The following BRIP1 variants were observed in gnomAD, a reference collection of about 807,000 sequenced individuals.
BRIP1 encodes Fanconi anemia group J protein.
In BRIP1, 88 loss-of-function variants were observed where a neutral mutation model predicts 119.7. The ratio of observed to expected loss-of-function variants is 0.74; its 90% CI spans 0.62 to 0.88. The LOEUF (loss-of-function observed/expected upper bound fraction) is 0.88. Among genes scored for constraint, BRIP1 ranks in the 40% least tolerant of loss-of-function variants. The pLI, the probability that BRIP1 is intolerant of heterozygous loss-of-function variation, is 0.00. For synonymous variants in BRIP1, 443 were observed against 496.5 expected, an observed-to-expected ratio of 0.89 and a Z score of 1.43; for missense variants, 1,259 against 1,455.4, an observed-to-expected ratio of 0.87 and a Z score of 2.20.
intron 6 of BRIP1, among the ~76,000 whole-genome samples, chr17:61,820,216 C>A (rs1176881995): frequency 1.3e-5 from 2 of 152,008 alleles, no homozygotes; most frequent in East Asian, 3.9e-4. Flanking sequence ...GAACTGAAAC[C>A]ACGAGACTTC....
In BRIP1 at chr17:61,689,690, C is replaced by T. The variant is rs776442576; in HGVS notation, c.2576-3525G>A. On this transcript the variant is annotated intron_variant, in intron 18 of 19. Coordinates refer to ENST00000259008, the MANE Select transcript of BRIP1 (RefSeq NM_032043.3). This position sits in a 1 kb window ranked among gnomAD's most constrained non-coding sequence, Gnocchi z 4.5. ...TTTGAAAACAGCAAGATAAAAGCAACTTGTCATATACAAATGAAGTCCCAT... is the reference window on the plus strand; with the variant it reads ...TTTGAAAACAGCAAGATAAAAGCAATTTGTCATATACAAATGAAGTCCCAT... Among the ~76,000 whole-genome samples, 2 of 152,108 alleles carry T rather than the reference C, an allele frequency of 1.3e-5. No individual in the cohort carries two copies. The highest frequency in any genetic ancestry group is 2.9e-5 in the Non-Finnish European group (2 of 68,022).
intron 16 of BRIP1, among the ~76,000 whole-genome samples, chr17:61,727,306 C>T (rs969993492): frequency 2.6e-5 from 4 of 152,020 alleles, no homozygotes; most frequent in South Asian, 2.1e-4. Flanking sequence ...TATGATTAAA[C>T]CCTAACATCT....
chr17:61,693,308 T>G lies in BRIP1; in HGVS notation c.2575+122A>C. On this transcript the variant is annotated intron_variant, in intron 18 of 19. Coordinates refer to ENST00000259008, the MANE Select transcript of BRIP1 (RefSeq NM_032043.3). This position sits in a 1 kb window ranked among gnomAD's most constrained non-coding sequence, Gnocchi z 4.2. ...TATCTGCTGTGAAATACTGTGCTTA[T>G]AGTTAACAATATTGTACTGTGCACT... 1.1e-6 allele frequency: 1 copy of G among 893,516 alleles called. No individual in the cohort carries two copies. The highest frequency in any genetic ancestry group is 1.8e-6 in the Non-Finnish European group (1 of 549,734). 55.3% of individuals were successfully genotyped at this position (893,516 alleles called of 1,614,324 possible). A position where few individuals can be genotyped will look rare whatever the true frequency, so the allele number is the denominator to read the frequency against.
rs1217457709 is a variant in BRIP1, at chr17:61,804,703, A to G, written c.919-3229T>C. 2.0e-5 allele frequency among the ~76,000 whole-genome samples: 3 copies of G among 152,042 alleles called. No homozygotes were observed. Among genetic ancestry groups the G allele is most frequent in the African/African-American group, 7.2e-5 (3 of 41,428 alleles). ...CGGCCAATGTATTTTTTACAAATAC[A>G]TAATAATTTCCCCATATATATATAT... On this transcript the variant is annotated intron_variant, in intron 7 of 19. Transcript: ENST00000259008. This position sits in a 1 kb window ranked among gnomAD's most constrained non-coding sequence, Gnocchi z 4.5.
Position 61,736,962 on chromosome 17 carries a change from A to T in BRIP1, c.2379+6051T>A, listed in dbSNP as rs1027249191. On this transcript the variant is annotated intron_variant, in intron 16 of 19. Transcript: ENST00000259008. This position sits in a 1 kb window ranked among gnomAD's most constrained non-coding sequence, Gnocchi z 4.4. ...AAATGCATAAAAACAATAATTAAAA[A>T]CTAACAGCCACACAAAGTATAAAGA... Among the ~76,000 whole-genome samples, 2 of 152,186 alleles carry T rather than the reference A, an allele frequency of 1.3e-5. No homozygotes were observed. Among genetic ancestry groups the T allele is most frequent in the African/African-American group, 4.8e-5 (2 of 41,454 alleles).
rs2077787388 is a variant in BRIP1 at position 61,789,768 on chromosome 17, G to A, written c.1473+3829C>T. Among the ~76,000 whole-genome samples, 1 of 152,004 alleles carries A rather than the reference G, an allele frequency of 6.6e-6. No homozygotes were observed. Among genetic ancestry groups the A allele is most frequent in the African/African-American group, 2.4e-5 (1 of 41,374 alleles). On this transcript the variant is annotated intron_variant, in intron 10 of 19. Transcript: ENST00000259008. The surrounding 1 kb of genome is among the most constrained non-coding windows in gnomAD (Gnocchi z 4.8). Reference sequence around the variant, plus strand: ...CAATATATTGTTAAATTAAAAGAGGGTAAAACAAATGTGTCATATCAGAAA... The same window carrying A: ...CAATATATTGTTAAATTAAAAGAGGATAAAACAAATGTGTCATATCAGAAA...
rs1304613834 is a variant in BRIP1 at position 61,824,473 on chromosome 17, A to G, written c.628-15716T>C. Reference sequence around the variant, plus strand: ...TGGCATAAAAACAGAAATATAGACCAATGGAACAGAATAGAAATTCCAAAA... The same window carrying G: ...TGGCATAAAAACAGAAATATAGACCGATGGAACAGAATAGAAATTCCAAAA... On this transcript the variant is annotated intron_variant, in intron 6 of 19. Transcript: ENST00000259008. This position sits in a 1 kb window ranked among gnomAD's most constrained non-coding sequence, Gnocchi z 4.3. Among the ~76,000 whole-genome samples the G allele has an allele frequency of 6.6e-6, 1 of 152,238 alleles. No individual in the cohort carries two copies. The highest frequency in any genetic ancestry group is 2.4e-5 in the African/African-American group (1 of 41,464).
At chr17:61,731,683 T>C (rs1370406154) in intron 16 of BRIP1, among the ~76,000 whole-genome samples, 7 of 152,180 alleles carry the variant, frequency 4.6e-5, no homozygotes. Flanking sequence ...AGGTTAAATA[T>C]CACTTCCTCA....
rs981428902 is a variant in BRIP1 at position 61,816,653 on chromosome 17, T to C, written c.628-7896A>G. Among the ~76,000 whole-genome samples, 1 of 152,110 alleles carries C rather than the reference T, an allele frequency of 6.6e-6. No homozygotes were observed. The highest frequency in any genetic ancestry group is 2.4e-5 in the African/African-American group (1 of 41,428). The stretch of plus-strand genomic sequence containing the variant: ...TAAAGCAAAAATTATCCTGGTATAA[T>C]AGAACTTTACATAGATGTGATTATA... On this transcript the variant is annotated intron_variant, in intron 6 of 19. Transcript: ENST00000259008. The surrounding 1 kb of genome is among the most constrained non-coding windows in gnomAD (Gnocchi z 5.0).
At chr17:61,766,600 C>T (rs2077377725) in intron 14 of BRIP1, among the ~76,000 whole-genome samples, 1 of 152,048 alleles carries the variant, frequency 6.6e-6, no homozygotes, top group South Asian at 2.1e-4. Flanking sequence ...AAACTAGTAG[C>T]ACTGCAAATT....
In BRIP1 at chr17:61,846,105, C is replaced by T. The variant is rs147122826; in HGVS notation, c.627+996G>A. 0.19 allele frequency among the ~76,000 whole-genome samples: 28,437 copies of T among 151,836 alleles called. 3,085 individuals are homozygous for T. Among genetic ancestry groups the T allele is most frequent in the Admixed American group, 0.3 (4,606 of 15,250 alleles). Reference sequence around the variant, plus strand: ...GTTGAGGCAGGAGAATGGCATGAACCCAGGAGGCGGAGCTTGCAGTGGGCG... The same window carrying T: ...GTTGAGGCAGGAGAATGGCATGAACTCAGGAGGCGGAGCTTGCAGTGGGCG... On this transcript the variant is annotated intron_variant, in intron 6 of 19. Coordinates refer to ENST00000259008, the MANE Select transcript of BRIP1 (RefSeq NM_032043.3). This position sits in a 1 kb window ranked among gnomAD's most constrained non-coding sequence, Gnocchi z 4.3.
At position 61,857,518 on chromosome 17, in the gene BRIP1, G is replaced by C. The variant is rs4968452; in HGVS notation, c.206-287C>G. 0.16 allele frequency among the ~76,000 whole-genome samples: 24,217 copies of C among 152,142 alleles called. 2,483 individuals are homozygous for C. Among genetic ancestry groups the C allele is most frequent in the East Asian group, 0.55 (2,827 of 5,146 alleles). ...GCAGGCACATCAATTGAAGTCAGGA[G>C]TTTGAGACCAGCCTGGCCAATATGG... On this transcript the variant is annotated intron_variant, in intron 3 of 19. Transcript: ENST00000259008. The surrounding 1 kb of genome is among the most constrained non-coding windows in gnomAD (Gnocchi z 5.1).
Position 61,756,010 on chromosome 17 carries a change from T to C in BRIP1, c.2098-11419A>G, listed in dbSNP as rs2077196022. ...TTATTTTAATTTCTTCAGTGGAGATTTTTTTTAAAGTACCTTAAAACCTTT... is the reference window on the plus strand; with the variant it reads ...TTATTTTAATTTCTTCAGTGGAGATCTTTTTTAAAGTACCTTAAAACCTTT... On this transcript the variant is annotated intron_variant, in intron 14 of 19. Coordinates refer to ENST00000259008, the MANE Select transcript of BRIP1 (RefSeq NM_032043.3). This position sits in a 1 kb window ranked among gnomAD's most constrained non-coding sequence, Gnocchi z 4.3. Among the ~76,000 whole-genome samples, 1 of 152,178 alleles carries C rather than the reference T, an allele frequency of 6.6e-6. No homozygotes were observed. Among genetic ancestry groups the C allele is most frequent in the Admixed American group, 6.5e-5 (1 of 15,280 alleles).
chr17:61,744,524 G>A lies in BRIP1; in HGVS notation c.2165C>T (p.Thr722Ile), dbSNP rs1603304593. The change falls in exon 15 of 20, where the codon ACA (threonine) becomes ATA (isoleucine). Residue 722 changes from threonine (T) to isoleucine (I), a missense_variant. Thr to Ile is a moderately conservative substitution (Grantham distance 89). Coordinates refer to ENST00000259008, the MANE Select transcript of BRIP1 (RefSeq NM_032043.3). This position sits in a 1 kb window ranked among gnomAD's most constrained non-coding sequence, Gnocchi z 5.0. ...TCCTCCCTGTGGTTCTACAATGACT[G>A]TCTTCACCAACTCCAGATTATGCCA... The part of the protein sequence containing the change: ...GLWHNLELVK[T>I]VIVEPQGGEK... 6.2e-7 allele frequency: 1 copy of A among 1,613,674 alleles called. No homozygotes were observed. Among genetic ancestry groups the A allele is most frequent in the East Asian group, 2.2e-5 (1 of 44,838 alleles).
chr17:61,764,757 T>TG lies in BRIP1; in HGVS notation c.2097+11643dup, dbSNP rs1172159654. On this transcript the variant is annotated intron_variant, in intron 14 of 19. Coordinates refer to ENST00000259008, the MANE Select transcript of BRIP1 (RefSeq NM_032043.3). ...TAATTTGTCTGTCATTTCCCAAAAGTGCTTCCTATATTTATCCTTACATCC... is the reference window on the plus strand; with the variant it reads ...TAATTTGTCTGTCATTTCCCAAAAGTGGCTTCCTATATTTATCCTTACATCC... Among the ~76,000 whole-genome samples the TG allele has an allele frequency of 2.0e-5, 3 of 152,202 alleles. No individual in the cohort carries two copies. In the East Asian group the frequency reaches 5.8e-4, roughly 29 times the overall value.
chr17:61,697,460 A>AT (rs1328805434), intron 17 of BRIP1, among the ~76,000 whole-genome samples: 4 of 150,528 alleles, frequency 2.7e-5, no homozygotes. Flanking sequence ...TCATCACACA[A>AT]TTTTTGAAGG....
In BRIP1 at chr17:61,744,071, T is replaced by C. The variant is rs1280565257; in HGVS notation, c.2257+361A>G. ...GAAAATTCAAGTTTACCTTATGTAA[T>C]AGAATACAAGCACCAAGTGTACTAA... On this transcript the variant is annotated intron_variant, in intron 15 of 19. Transcript: ENST00000259008. The surrounding 1 kb of genome is among the most constrained non-coding windows in gnomAD (Gnocchi z 5.0). Among the ~76,000 whole-genome samples the C allele has an allele frequency of 1.3e-5, 2 of 152,182 alleles. No individual in the cohort carries two copies. Among genetic ancestry groups the C allele is most frequent in the African/African-American group, 4.8e-5 (2 of 41,442 alleles).
In BRIP1 at chr17:61,861,907, T is replaced by C. The variant is rs1458929437; in HGVS notation, c.-30-338A>G. On this transcript the variant is annotated intron_variant, in intron 1 of 19. Transcript: ENST00000259008. The surrounding 1 kb of genome is among the most constrained non-coding windows in gnomAD (Gnocchi z 4.5). Reference sequence around the variant, plus strand: ...TAATGTGCAAATATGATAAAGTACATACCAGATTAAACATGAGCTCTTGTA... The same window carrying C: ...TAATGTGCAAATATGATAAAGTACACACCAGATTAAACATGAGCTCTTGTA... The C allele has an allele frequency of 3.1e-6, 1 of 323,990 alleles. No individual in the cohort carries two copies. The highest frequency in any genetic ancestry group is 2.9e-5 in the South Asian group (1 of 34,416). 20.1% of individuals were successfully genotyped at this position (323,990 alleles called of 1,614,324 possible). A position where few individuals can be genotyped will look rare whatever the true frequency, so the allele number is the denominator to read the frequency against.
chr17:61,722,287 T>C lies in BRIP1; in HGVS notation c.2380-6224A>G, dbSNP rs4580256. Among the ~76,000 whole-genome samples, 120,057 of 151,950 alleles carry C rather than the reference T, an allele frequency of 0.79. 48,277 individuals carry two copies. The highest frequency in any genetic ancestry group is 0.9 in the African/African-American group (37,288 of 41,436). ...TGATCTCCAGACCTGGTGATCCCTC[T>C]GCCTCGGCTTCCCAAAGGGCTGAGA... On this transcript the variant is annotated intron_variant, in intron 16 of 19. Transcript: ENST00000259008. The surrounding 1 kb of genome is among the most constrained non-coding windows in gnomAD (Gnocchi z 4.6).
Sources: gnomAD v4.1 joint callset for allele counts (sites outside exome capture counted in the v4.1 genomes callset) on GRCh38, gnomAD v4.1.1 for gene constraint, Gnocchi (gnomAD v3.1) non-coding constraint, MANE v1.5 for transcripts, NCBI Gene and HGNC (gene_info 2026-07-23, HGNC 2026-07-21) for gene names.